ITGBL1: variants seen among roughly 807,000 people sequenced by gnomAD.
ITGBL1 encodes the protein integrin subunit beta like 1, also known as integrin beta-like protein 1.
Under a neutral mutation model 68.5 loss-of-function variants are expected in ITGBL1, and 51 were observed. The ratio of observed to expected loss-of-function variants is 0.74; its 90% CI spans 0.59 to 0.94. The LOEUF (loss-of-function observed/expected upper bound fraction) is 0.94. ITGBL1 is among the 40% of genes least tolerant of loss of function. ITGBL1 has a pLI of 0.00. For missense variants in ITGBL1, 649 were observed against 647.4 expected, an observed-to-expected ratio of 1.00 and a Z score of -0.03; for synonymous variants, 209 against 227.3, an observed-to-expected ratio of 0.92 and a Z score of 0.72.
At chr13:101,610,071 C>A (rs1449206653) in intron 7 of ITGBL1, among the ~76,000 whole-genome samples, 1 of 152,058 alleles carries the variant, frequency 6.6e-6, no homozygotes, top group African/African-American at 2.4e-5. Context: ...ATTCCAATTT[C>A]TCCAGGCAAG....
At chr13:101,617,910 T>C (rs2031429819) in intron 7 of ITGBL1, among the ~76,000 whole-genome samples, 1 of 152,088 alleles carries the variant, frequency 6.6e-6, no homozygotes, top group Admixed American at 6.5e-5. Context: ...TAACAGTGGT[T>C]TGTTGATATT....
At position 101,645,580 on chromosome 13, in the gene ITGBL1, G is replaced by C. The variant is rs192338675; in HGVS notation, c.1016-47005G>C. 8.9e-4 allele frequency among the ~76,000 whole-genome samples: 135 copies of C among 152,106 alleles called. 1 individual carries two copies. Among genetic ancestry groups the C allele is most frequent in the Admixed American group, 7.9e-3 (121 of 15,290 alleles). ...ATTCTCATTGCTTTTTCTCTCATTC[G>C]GGGAAATTAAGTATAATCAATACCT... On this transcript the variant is annotated intron_variant, in intron 7 of 10. Transcript: ENST00000376180.
chr13:101,514,712 T>C (rs1178745562), intron 2 of ITGBL1, among the ~76,000 whole-genome samples: 2 of 152,108 alleles, frequency 1.3e-5, no homozygotes, highest in African/African-American at 4.8e-5. Flanking sequence ...ATCCCTCATA[T>C]ATGAAAGTTT....
intron 2 of ITGBL1, among the ~76,000 whole-genome samples, chr13:101,483,167 C>G (rs1225690633): frequency 1.3e-5 from 2 of 151,702 alleles, no homozygotes; most frequent in African/African-American, 2.4e-5. Flanking sequence ...CATATCATCA[C>G]AGCACCCTGT....
At chr13:101,456,822 G>A (rs146802229) in intron 2 of ITGBL1, among the ~76,000 whole-genome samples, 3 of 152,194 alleles carry the variant, frequency 2.0e-5, no homozygotes, top group African/African-American at 7.2e-5. Flanking sequence ...GGCTGAGGCA[G>A]GAGAATCGCT....
intron 7 of ITGBL1, among the ~76,000 whole-genome samples, chr13:101,605,044 A>ATATATGTG (rs200902136): frequency 1.4e-5 from 2 of 138,710 alleles, no homozygotes; most frequent in Admixed American, 7.2e-5. Flanking sequence ...ACATATACGC[A>ATATATGTG]TATATGTGTA....
At chr13:101,618,648 G>A (rs1177083080) in intron 7 of ITGBL1, among the ~76,000 whole-genome samples, 2 of 152,000 alleles carry the variant, frequency 1.3e-5, no homozygotes, top group South Asian at 2.1e-4. Context: ...ACCTACACCC[G>A]TGTACATACG....
intron 2 of ITGBL1, among the ~76,000 whole-genome samples, chr13:101,519,999 G>A (rs1449654310): frequency 1.3e-5 from 2 of 152,110 alleles, no homozygotes; most frequent in Non-Finnish European, 2.9e-5. Flanking sequence ...TGGGGTAACT[G>A]CTCATGTTTG....
chr13:101,457,679 A>G (rs1267699984), intron 2 of ITGBL1, among the ~76,000 whole-genome samples: 2 of 152,022 alleles, frequency 1.3e-5, no homozygotes, highest in South Asian at 4.1e-4. Flanking sequence ...GCTGGGTGTG[A>G]TGGTGTGCGC....
intron 2 of ITGBL1, among the ~76,000 whole-genome samples, chr13:101,536,435 G>A (rs542541026): frequency 7.9e-5 from 12 of 152,108 alleles, no homozygotes; most frequent in Admixed American, 2.6e-4. Context: ...ATGAGGGCAC[G>A]CATTTTCTTG....
At chr13:101,581,693 C>T (rs7337904) in intron 5 of ITGBL1, among the ~76,000 whole-genome samples, 50,913 of 152,016 alleles carry the variant, frequency 0.33, 8,982 homozygotes, top group Non-Finnish European at 0.4. Context: ...AACAATATTT[C>T]GGTCACTAGT....
At chr13:101,501,641 T>C (rs2048942658) in intron 2 of ITGBL1, among the ~76,000 whole-genome samples, 1 of 152,150 alleles carries the variant, frequency 6.6e-6, no homozygotes, top group Non-Finnish European at 1.5e-5. Flanking sequence ...TGATAGCCCT[T>C]AAACTCCCTC....
At chr13:101,684,854 T>C (rs2033720218) in intron 7 of ITGBL1, among the ~76,000 whole-genome samples, 1 of 151,982 alleles carries the variant, frequency 6.6e-6, no homozygotes, top group Non-Finnish European at 1.5e-5. Flanking sequence ...TCCTTTAACA[T>C]TTTTTCTCTC....
chr13:101,580,777 G>T (rs2050443638), intron 5 of ITGBL1, among the ~76,000 whole-genome samples: 1 of 152,204 alleles, frequency 6.6e-6, no homozygotes, highest in Non-Finnish European at 1.5e-5. Context: ...AATGGAATTG[G>T]TTGGGCTGTG....
chr13:101,620,481 G>A (rs965991565), intron 7 of ITGBL1, among the ~76,000 whole-genome samples: 10 of 152,212 alleles, frequency 6.6e-5, no homozygotes, highest in African/African-American at 2.4e-4. Context: ...ATTATAGGAT[G>A]CATACAATTT....
rs199682713 is a variant in ITGBL1, at chr13:101,481,117, C to CAT, written c.316+27025_316+27026dup. Among the ~76,000 whole-genome samples, 696 of 148,210 alleles carry CAT rather than the reference C, an allele frequency of 4.7e-3. 24 individuals are homozygous for CAT. The East Asian group carries it at 0.11, about 22-fold the overall frequency. On this transcript the variant is annotated intron_variant, in intron 2 of 10. Coordinates refer to ENST00000376180, the MANE Select transcript of ITGBL1 (RefSeq NM_004791.3). ...ATACACACACGTGCATGTATATACA[C>CAT]ATATATATACACATGTGCATATATA... is the stretch of plus-strand genomic sequence containing the variant.
chr13:101,460,223 C>CT (rs2048299769), intron 2 of ITGBL1, among the ~76,000 whole-genome samples: 1 of 152,194 alleles, frequency 6.6e-6, no homozygotes, highest in Non-Finnish European at 1.5e-5. Context: ...TTCCATGTCT[C>CT]TGAGTCGGAG....
chr13:101,601,282 T>G (rs1242127591), intron 7 of ITGBL1, among the ~76,000 whole-genome samples: 2 of 152,214 alleles, frequency 1.3e-5, no homozygotes, highest in Non-Finnish European at 2.9e-5. Flanking sequence ...GGTGGTGATA[T>G]CCCCTTTGTC....
At chr13:101,531,179 G>A (rs943713524) in intron 2 of ITGBL1, among the ~76,000 whole-genome samples, 7 of 152,080 alleles carry the variant, frequency 4.6e-5, no homozygotes, top group African/African-American at 7.2e-5. Flanking sequence ...ACGTATACTA[G>A]TTGGTTCTAA....
Sources: gnomAD v4.1 joint callset for allele counts (sites outside exome capture counted in the v4.1 genomes callset) on GRCh38, gnomAD v4.1.1 for gene constraint, MANE v1.5 for transcripts, NCBI Gene and HGNC (gene_info 2026-07-23, HGNC 2026-07-21) for gene names.